The following TLN2 variants were observed in gnomAD, a reference collection of about 807,000 sequenced individuals.
TLN2 encodes the protein talin 2.
In TLN2, 118 loss-of-function variants were observed where a neutral mutation model predicts 294.7. That is an observed-to-expected ratio of 0.40 (90% CI 0.34 to 0.47). The LOEUF (loss-of-function observed/expected upper bound fraction) is 0.47. Ranked by LOEUF, TLN2 falls within the 20% of genes least tolerant of loss-of-function variation. TLN2 has a pLI of 0.84. For synonymous variants in TLN2, 1,431 were observed against 1,304.5 expected (o/e 1.10, Z -2.09); for missense variants, 3,083 against 3,282.2 (o/e 0.94, Z 1.48).
At chr15:62,500,537 G>A (rs2039252254) in intron 1 of TLN2, among the ~76,000 whole-genome samples, 1 of 152,194 alleles carries the variant, frequency 6.6e-6, no homozygotes, top group Non-Finnish European at 1.5e-5. Flanking sequence ...TTCCAGATGG[G>A]TCAGGCAGAG....
At chr15:62,395,300 A>G (rs1408059076) in intron 1 of TLN2, among the ~76,000 whole-genome samples, 2 of 151,626 alleles carry the variant, frequency 1.3e-5, no homozygotes, top group Non-Finnish European at 2.9e-5. Context: ...AAGATGAGAA[A>G]AGGATGTGAG....
At chr15:62,819,854 G>A (rs908959111) in intron 53 of TLN2, among the ~76,000 whole-genome samples, 1 of 152,182 alleles carries the variant, frequency 6.6e-6, no homozygotes, top group African/African-American at 2.4e-5. Flanking sequence ...CTACTTAAAT[G>A]GTATCCTCCA....
At chr15:62,548,717 T>C (rs2042127727) in intron 1 of TLN2, among the ~76,000 whole-genome samples, 2 of 152,242 alleles carry the variant, frequency 1.3e-5, no homozygotes, top group Non-Finnish European at 2.9e-5. Context: ...GATTAGGTTA[T>C]GCTGGTAAAC....
intron 1 of TLN2, among the ~76,000 whole-genome samples, chr15:62,511,916 C>T (rs921558995): frequency 6.6e-6 from 1 of 152,126 alleles, no homozygotes; most frequent in African/African-American, 2.4e-5. Flanking sequence ...ACTCTCAAAA[C>T]CCAGCAGTAA....
chr15:62,701,023 G>A lies in TLN2; in HGVS notation c.1588-83G>A, dbSNP rs1300021369. ...ATAAGAAGAATGTAGCCAAAATGCT[G>A]GTGTGATTTTATGGCGGGGCTTCTC... On this transcript the variant is annotated intron_variant, in intron 16 of 58. Coordinates refer to ENST00000636159, the MANE Select transcript of TLN2 (RefSeq NM_015059.3). 3.3e-6 allele frequency: 4 copies of A among 1,203,210 alleles called. No individual in the cohort carries two copies. The African/African-American group carries it at 4.5e-5, about 14-fold the overall frequency. 74.5% of individuals were successfully genotyped at this position (1,203,210 alleles called of 1,614,324 possible).
At chr15:62,827,826 C>A (rs897921705) in intron 54 of TLN2, 2 of 152,208 alleles carry the variant, frequency 1.3e-5, no homozygotes, top group African/African-American at 4.8e-5. Context: ...CCATGCTTTA[C>A]ATATACTAAT....
At chr15:62,393,677 T>C (rs970823691) in intron 1 of TLN2, among the ~76,000 whole-genome samples, 2 of 152,214 alleles carry the variant, frequency 1.3e-5, no homozygotes, top group Non-Finnish European at 2.9e-5. Context: ...TGTAACTATG[T>C]ATATGCCACA....
chr15:62,704,146 T>A (rs2058907030), intron 19 of TLN2, among the ~76,000 whole-genome samples: 1 of 152,104 alleles, frequency 6.6e-6, no homozygotes, highest in Non-Finnish European at 1.5e-5. Flanking sequence ...TTTTGAATTA[T>A]TTATTTATAT....
intron 1 of TLN2, among the ~76,000 whole-genome samples, chr15:62,399,907 G>A (rs1488999208): frequency 6.6e-6 from 1 of 152,164 alleles, no homozygotes; most frequent in East Asian, 1.9e-4. Context: ...AAGACTTAGG[G>A]GGACTGTTGG....
At position 62,675,258 on chromosome 15, in the gene TLN2, G is replaced by C; in HGVS notation, c.894G>C (p.Lys298Asn). The C allele has an allele frequency of 6.2e-7, 1 of 1,614,234 alleles. No homozygotes were observed. The highest frequency in any genetic ancestry group is 1.6e-4 in the Middle Eastern group (1 of 6,062). The change falls in exon 11 of 59, where the codon AAG becomes AAC. Residue 298 changes from lysine to asparagine, a missense_variant. Lys to Asn is a moderately conservative substitution (Grantham distance 94). Transcript: ENST00000636159. Reference protein sequence around the residue: ...NCGEMSEIEAKVKYVKLARSL... With the variant: ...NCGEMSEIEANVKYVKLARSL... ...GAGAGATGAGTGAGATAGAAGCCAA[G>C]GTCAAGTACGTCAAACTCGCACGGT...
intron 57 of TLN2, among the ~76,000 whole-genome samples, chr15:62,836,655 ACAAT>A (rs1471422624): frequency 2.9e-5 from 4 of 140,220 alleles, no homozygotes; most frequent in African/African-American, 1.1e-4. Flanking sequence ...TAGGAAGGTA[ACAAT>A]CAAGTCCTTC....
At chr15:62,713,823 T>G (rs140834218) in intron 22 of TLN2, among the ~76,000 whole-genome samples, 1 of 151,646 alleles carries the variant, frequency 6.6e-6, no homozygotes, top group Non-Finnish European at 1.5e-5. Flanking sequence ...AGGGACAGTG[T>G]CTGAGCTTCC....
At chr15:62,793,661 A>G (rs190332393) in intron 46 of TLN2, among the ~76,000 whole-genome samples, 45 of 151,834 alleles carry the variant, frequency 3.0e-4, no homozygotes, top group African/African-American at 1.1e-3. Context: ...TAGCTCTTCT[A>G]TTCTCCCCCA....
At chr15:62,687,175 C>T (rs2057355389) in intron 12 of TLN2, among the ~76,000 whole-genome samples, 1 of 152,196 alleles carries the variant, frequency 6.6e-6, no homozygotes, top group Non-Finnish European at 1.5e-5. Context: ...TTAGATGGTC[C>T]TAAGCATTGT....
Position 62,417,950 on chromosome 15 carries a change from G to A in TLN2, c.-238+27265G>A, listed in dbSNP as rs1487573859. On this transcript the variant is annotated intron_variant, in intron 1 of 58. Transcript: ENST00000636159. The stretch of plus-strand genomic sequence containing the variant: ...GCCACCTCTGGTCGCTTGCCCCCTG[G>A]CCTGTCTTAAGTTCTACCTGGTATT... Among the ~76,000 whole-genome samples the A allele has an allele frequency of 2.6e-5, 4 of 152,272 alleles. No homozygotes were observed. The East Asian group carries it at 7.7e-4, about 29-fold the overall frequency.
intron 1 of TLN2, among the ~76,000 whole-genome samples, chr15:62,450,764 T>G (rs975380372): frequency 3.3e-5 from 5 of 151,514 alleles, no homozygotes; most frequent in Non-Finnish European, 7.4e-5. Context: ...AGAGATGAGA[T>G]CTTGCAATAT....
chr15:62,572,184 A>T (rs1428428721), intron 1 of TLN2, among the ~76,000 whole-genome samples: 1 of 151,618 alleles, frequency 6.6e-6, no homozygotes, highest in Non-Finnish European at 1.5e-5. Flanking sequence ...GAATTGCTTG[A>T]CAGTTCCTCC....
At chr15:62,443,791 C>G (rs1172402864) in intron 1 of TLN2, among the ~76,000 whole-genome samples, 1 of 152,120 alleles carries the variant, frequency 6.6e-6, no homozygotes, top group African/African-American at 2.4e-5. Context: ...TGCTTGAGCC[C>G]ATGAATTTGA....
At chr15:62,836,315 C>T (rs1248552337) in intron 57 of TLN2, among the ~76,000 whole-genome samples, 4 of 152,256 alleles carry the variant, frequency 2.6e-5, no homozygotes, top group Non-Finnish European at 4.4e-5. Flanking sequence ...GCCAGCCCAA[C>T]CCAGCAGACC....
Sources: allele counts gnomAD v4.1 joint callset (sites outside exome capture counted in the v4.1 genomes callset), GRCh38; gene constraint gnomAD v4.1.1; transcripts MANE v1.5; gene names NCBI Gene and HGNC (gene_info 2026-07-23, HGNC 2026-07-21).